TRPS1: variants seen among roughly 807,000 people sequenced by gnomAD.
TRPS1 encodes the protein zinc finger transcription factor Trps1.
In TRPS1, 6 loss-of-function variants were observed where a neutral mutation model predicts 101.2. The observed-to-expected ratio is 0.06, with a 90% CI of 0.03 to 0.12. TRPS1 has a LOEUF of 0.12. Ranked by LOEUF, TRPS1 falls within the 10% of genes least tolerant of loss-of-function variation. TRPS1 has a pLI of 1.00. For synonymous variants in TRPS1, 578 were observed against 589.8 expected (o/e 0.98, Z 0.29); for missense variants, 1,363 against 1,567.0 (o/e 0.87, Z 2.20).
intron 5 of TRPS1, among the ~76,000 whole-genome samples, chr8:115,574,024 T>C (rs995333327): frequency 5.9e-5 from 9 of 152,212 alleles, no homozygotes; most frequent in African/African-American, 1.9e-4. Context: ...ACCTCTTTTA[T>C]GGAAGTCTGA....
intron 5 of TRPS1, among the ~76,000 whole-genome samples, chr8:115,448,255 T>G (rs1813785755): frequency 6.6e-6 from 1 of 152,202 alleles, no homozygotes; most frequent in Non-Finnish European, 1.5e-5. Flanking sequence ...CTCGTATTGT[T>G]TTAGACATTT....
intron 5 of TRPS1, among the ~76,000 whole-genome samples, chr8:115,506,665 C>T (rs750141156): frequency 1.1e-4 from 16 of 152,054 alleles, no homozygotes; most frequent in Admixed American, 4.6e-4. Flanking sequence ...TTTAAAACTA[C>T]TTGGCAGTAA....
In TRPS1 at chr8:115,508,847, A is replaced by C. The variant is rs185038335; in HGVS notation, c.2700+78154T>G. Among the ~76,000 whole-genome samples, 12 of 152,106 alleles carry C rather than the reference A, an allele frequency of 7.9e-5. No homozygotes were observed. In the East Asian group the frequency reaches 2.3e-3, roughly 29 times the overall value. ...TTGGAAGTGAGTCTAAATGGTCTCT[A>C]AACTTTGATCTACTTTCCCTGGGGG... On this transcript the variant is annotated intron_variant, in intron 5 of 6. Coordinates refer to ENST00000395715, the MANE Select transcript of TRPS1 (RefSeq NM_014112.5).
At chr8:115,435,336 AG>A (rs1414444158) in intron 5 of TRPS1, among the ~76,000 whole-genome samples, 2 of 152,216 alleles carry the variant, frequency 1.3e-5, no homozygotes, top group Non-Finnish European at 2.9e-5. Context: ...GTAGCACCCA[AG>A]GGTGATAATG....
chr8:115,497,864 A>C (rs1175054515), intron 5 of TRPS1, among the ~76,000 whole-genome samples: 1 of 152,182 alleles, frequency 6.6e-6, no homozygotes, highest in Non-Finnish European at 1.5e-5. Context: ...TGTGATATTA[A>C]AATTTCTGGT....
chr8:115,585,305 C>T (rs1259159171), intron 5 of TRPS1, among the ~76,000 whole-genome samples: 1 of 152,160 alleles, frequency 6.6e-6, no homozygotes, highest in East Asian at 1.9e-4. Flanking sequence ...CCACTACGCT[C>T]AGGTTTTTTA....
intron 5 of TRPS1, among the ~76,000 whole-genome samples, chr8:115,538,611 C>G (rs969188468): frequency 4.0e-5 from 6 of 150,378 alleles, no homozygotes; most frequent in African/African-American, 1.5e-4. Context: ...AAAAAATGAG[C>G]TTCCAAATGT....
chr8:115,450,577 T>C (rs1261888805), intron 5 of TRPS1, among the ~76,000 whole-genome samples: 1 of 152,174 alleles, frequency 6.6e-6, no homozygotes, highest in Non-Finnish European at 1.5e-5. Flanking sequence ...CATGGTTTTC[T>C]TTTCTACCTC....
intron 1 of TRPS1, among the ~76,000 whole-genome samples, chr8:115,634,740 G>C (rs895360595): frequency 2.0e-5 from 3 of 151,730 alleles, no homozygotes; most frequent in Middle Eastern, 3.2e-3. Context: ...TTTTAATCCT[G>C]TTGTAACATT....
intron 5 of TRPS1, among the ~76,000 whole-genome samples, chr8:115,478,580 G>A (rs1311335954): frequency 3.3e-5 from 5 of 152,040 alleles, no homozygotes; most frequent in African/African-American, 1.2e-4. Flanking sequence ...GAGGCAGGTG[G>A]ATCACTTGAG....
intron 1 of TRPS1, among the ~76,000 whole-genome samples, chr8:115,632,021 C>T (rs1418107254): frequency 6.6e-6 from 1 of 151,974 alleles, no homozygotes; most frequent in East Asian, 1.9e-4. Context: ...TGTAACTTTA[C>T]ACATCAAAAA....
At chr8:115,605,226 G>A (rs1392237721) in intron 3 of TRPS1, among the ~76,000 whole-genome samples, 1 of 152,172 alleles carries the variant, frequency 6.6e-6, no homozygotes, top group Non-Finnish European at 1.5e-5. Context: ...GTAGGCCAAA[G>A]TAACAGGTGA....
chr8:115,600,832 T>C (rs1817891981), intron 4 of TRPS1, among the ~76,000 whole-genome samples: 1 of 152,066 alleles, frequency 6.6e-6, no homozygotes, highest in South Asian at 2.1e-4. Context: ...AGAGAGCAGG[T>C]ACACAGTTGA....
chr8:115,457,756 T>G (rs892449044), intron 5 of TRPS1, among the ~76,000 whole-genome samples: 3 of 152,068 alleles, frequency 2.0e-5, no homozygotes, highest in Admixed American at 6.5e-5. Flanking sequence ...AAGGTGGAAA[T>G]GGTGACAAGA....
rs1812850463 is a variant in TRPS1, at chr8:115,414,051, A to G, written c.3857T>C (p.Val1286Ala). Residue 1286 changes from valine to alanine, a missense_variant, in exon 7 of 7, where the codon GTG (valine) becomes GCG (alanine). By Grantham distance (64) the Val-to-Ala change is moderately conservative. Around this residue, in one of 5 missense-constraint regions of TRPS1, gnomAD observed 307 missense variants for 392.4 expected, o/e 0.78. Coordinates refer to ENST00000395715, the MANE Select transcript of TRPS1 (RefSeq NM_014112.5). The surrounding 1 kb of genome is among the most constrained non-coding windows in gnomAD (Gnocchi z 4.8). ...QRGLHRNNAQ[V>A]EKNGKPKE ...CTCTTTAGGTTTTCCATTTTTTTCCACTTGTGCATTGTTCCTATGCAGGCC... is the reference window on the plus strand; with the variant it reads ...CTCTTTAGGTTTTCCATTTTTTTCCGCTTGTGCATTGTTCCTATGCAGGCC... 6.2e-7 allele frequency: 1 copy of G among 1,612,936 alleles called. No individual in the cohort carries two copies. The highest frequency in any genetic ancestry group is 8.5e-7 in the Non-Finnish European group (1 of 1,179,640).
intron 1 of TRPS1, among the ~76,000 whole-genome samples, chr8:115,635,087 A>C (rs1818737810): frequency 3.3e-5 from 5 of 152,168 alleles, no homozygotes; most frequent in Admixed American, 3.3e-4. Context: ...GAGAGTGCTA[A>C]CCAGTTAAAA....
intron 4 of TRPS1, among the ~76,000 whole-genome samples, chr8:115,588,656 A>G (rs1817619564): frequency 6.6e-6 from 1 of 152,352 alleles, no homozygotes; most frequent in Admixed American, 6.5e-5. Context: ...ATTTTGTTTA[A>G]CTATAAAAAC....
chr8:115,648,683 C>CTTA (rs924848607), intron 1 of TRPS1, among the ~76,000 whole-genome samples: 20 of 118,194 alleles, frequency 1.7e-4, no homozygotes, highest in African/African-American at 7.5e-4. Flanking sequence ...GAAAATGTCC[C>CTTA]TTATTATTAT....
rs1463605410 is a variant in TRPS1 at position 115,451,510 on chromosome 8, C to CT, written c.2701-33059dup. On this transcript the variant is annotated intron_variant, in intron 5 of 6. Transcript: ENST00000395715. ...AAACAGACTGCAAAAAATGCAACCC[C>CT]TTTCGCCAATAAACACTAGATCATT... Among the ~76,000 whole-genome samples the CT allele has an allele frequency of 2.0e-5, 3 of 152,252 alleles. No homozygotes were observed. The East Asian group carries it at 5.8e-4, about 29-fold the overall frequency.
Sources: gnomAD v4.1 joint callset for allele counts (sites outside exome capture counted in the v4.1 genomes callset) on GRCh38, gnomAD v4.1.1 for gene constraint, gnomAD v4.1.1 regional missense constraint, Gnocchi (gnomAD v3.1) non-coding constraint, MANE v1.5 for transcripts, NCBI Gene and HGNC (gene_info 2026-07-23, HGNC 2026-07-21) for gene names.